Variants in ATRN observed in about 807,000 individuals in gnomAD.
The protein encoded by ATRN is attractin, also known as attractin-2.
In ATRN, 54 loss-of-function variants were observed where a neutral mutation model predicts 178.7. The observed-to-expected ratio is 0.30, with a 90% CI of 0.24 to 0.38. The LOEUF is 0.38. Among genes scored for constraint, ATRN ranks in the 10% least tolerant of loss-of-function variants. The pLI is 1.00. For synonymous variants in ATRN, 636 were observed against 663.0 expected (o/e 0.96, Z 0.63); for missense variants, 1,443 against 1,815.1 (o/e 0.79, Z 3.73).
intron 27 of ATRN, among the ~76,000 whole-genome samples, chr20:3,639,395 G>T (rs79204951): frequency 1.3e-5 from 2 of 152,022 alleles, no homozygotes; most frequent in Non-Finnish European, 2.9e-5. Context: ...TGGGATTACC[G>T]ATGTGCGCAA....
chr20:3,503,295 T>C (rs999974156), intron 1 of ATRN, among the ~76,000 whole-genome samples: 75 of 152,208 alleles, frequency 4.9e-4, no homozygotes, highest in African/African-American at 1.7e-3. Context: ...TCTAACATAA[T>C]AGACAAAATG....
chr20:3,573,278 G>T (rs2086154250), intron 12 of ATRN, among the ~76,000 whole-genome samples: 1 of 152,164 alleles, frequency 6.6e-6, no homozygotes, highest in South Asian at 2.1e-4. Flanking sequence ...TTTGATGATG[G>T]AAATGTTGTG....
chr20:3,641,201 A>G (rs887787448), intron 27 of ATRN, among the ~76,000 whole-genome samples: 1 of 152,216 alleles, frequency 6.6e-6, no homozygotes, highest in African/African-American at 2.4e-5. Context: ...TGATGGTTGC[A>G]CAACAATGTG....
At position 3,471,428 on chromosome 20, in the gene ATRN, C is replaced by T. The variant is rs1444548094; in HGVS notation, c.321C>T (p.Asn107=). ...AGGAATGTGACCGGCCCTGTGTCAACGGCGGTCGCTGCAACCCTGGCACCG... is the reference window on the plus strand; with the variant it reads ...AGGAATGTGACCGGCCCTGTGTCAATGGCGGTCGCTGCAACCCTGGCACCG... The part of the protein sequence containing the change: ...EAKECDRPCV[N]GGRCNPGTGQ... The change falls in exon 1 of 29, where the codon AAC becomes AAT. Residue 107 remains asparagine, a synonymous_variant. Coordinates refer to ENST00000262919, the MANE Select transcript of ATRN (RefSeq NM_139321.3). 11 of 1,470,146 alleles carry T rather than the reference C, an allele frequency of 7.5e-6. No individual in the cohort carries two copies. The highest frequency in any genetic ancestry group is 1.3e-5 in the South Asian group (1 of 75,188). The allele number at this position is 1,470,146 out of a possible 1,614,324, so 91.1% of individuals were successfully genotyped here.
chr20:3,565,812 AAAAAAAAAG>A (rs1213454602), intron 11 of ATRN, among the ~76,000 whole-genome samples: 6 of 152,034 alleles, frequency 3.9e-5, no homozygotes, highest in African/African-American at 7.2e-5. Flanking sequence ...AAAAAAAAAA[AAAAAAAAAG>A]AGAAAAGTAA....
At chr20:3,490,725 T>C (rs767572557) in intron 1 of ATRN, 3 of 795,420 alleles carry the variant, frequency 3.8e-6, no homozygotes, top group African/African-American at 3.4e-5. Context: ...CTCATTTGGG[T>C]GCTTCTGGTG....
At chr20:3,599,493 A>G (rs1407730936) in intron 22 of ATRN, among the ~76,000 whole-genome samples, 1 of 152,218 alleles carries the variant, frequency 6.6e-6, no homozygotes, top group Non-Finnish European at 1.5e-5. Context: ...ATAAAACCAC[A>G]AGCATTTTAA....
intron 25 of ATRN, among the ~76,000 whole-genome samples, chr20:3,625,201 G>C (rs1025495087): frequency 2.0e-5 from 3 of 152,136 alleles, no homozygotes; most frequent in African/African-American, 7.2e-5. Context: ...GTTTACACTT[G>C]GTTTTTCAGT....
In ATRN at chr20:3,638,747, G is replaced by A; in HGVS notation, c.3943-81G>A. The A allele has an allele frequency of 8.7e-7, 1 of 1,150,554 alleles. No individual in the cohort carries two copies. The highest frequency in any genetic ancestry group is 1.3e-6 in the Non-Finnish European group (1 of 785,464). The allele number at this position is 1,150,554 out of a possible 1,614,324, so 71.3% of individuals were successfully genotyped here. A position where few individuals can be genotyped will look rare whatever the true frequency, so the allele number is the denominator to read the frequency against. Reference sequence around the variant, plus strand: ...GATTTGTTTGAATCAGGGAGGATGAGGTGTTTTTAACATGTAGCATTAACT... The same window carrying A: ...GATTTGTTTGAATCAGGGAGGATGAAGTGTTTTTAACATGTAGCATTAACT... On this transcript the variant is annotated intron_variant, in intron 26 of 28. Coordinates refer to ENST00000262919, the MANE Select transcript of ATRN (RefSeq NM_139321.3). This position sits in a 1 kb window ranked among gnomAD's most constrained non-coding sequence, Gnocchi z 4.5.
intron 1 of ATRN, among the ~76,000 whole-genome samples, chr20:3,493,148 GTA>G (rs961002417): frequency 3.4e-5 from 4 of 116,708 alleles, no homozygotes; most frequent in Non-Finnish European, 7.3e-5. Context: ...GTGTGTGTGT[GTA>G]TAATTAAAAA....
At chr20:3,560,945 G>C (rs573014272) in intron 8 of ATRN, 40 bp downstream of exon 8, 2 of 1,601,608 alleles carry the variant, frequency 1.2e-6, no homozygotes, top group East Asian at 2.2e-5. Context: ...TTGAACATCA[G>C]ATTTAAAACC....
intron 21 of ATRN, among the ~76,000 whole-genome samples, chr20:3,597,045 T>C (rs1216483898): frequency 3.4e-5 from 5 of 148,492 alleles, no homozygotes; most frequent in Admixed American, 1.4e-4. Context: ...ACTTGGAACC[T>C]GTGAATATGA....
At chr20:3,502,825 A>G (rs559534859) in intron 1 of ATRN, among the ~76,000 whole-genome samples, 1 of 152,300 alleles carries the variant, frequency 6.6e-6, no homozygotes, top group Non-Finnish European at 1.5e-5. Context: ...CAAAAAGGAC[A>G]TAGCCACAGC....
rs532852583 is a variant in ATRN, at chr20:3,644,067, G to A, written c.4051-87G>A. 59 of 1,003,768 alleles carry A rather than the reference G, an allele frequency of 5.9e-5. 1 individual carries two copies. Among genetic ancestry groups the A allele is most frequent in the Admixed American group, 4.5e-4 (23 of 50,728 alleles). 62.2% of individuals were successfully genotyped at this position (1,003,768 alleles called of 1,614,324 possible). On this transcript the variant is annotated intron_variant, in intron 27 of 28. Transcript: ENST00000262919. ...CTTTTTTATATACCTGAAATTGATG[G>A]TTCTTATAAGCACAAATGACCGTTA...
At chr20:3,490,975 A>T (rs1241833251) in intron 1 of ATRN, 2 of 1,538,200 alleles carry the variant, frequency 1.3e-6, no homozygotes, top group African/African-American at 1.4e-5. Flanking sequence ...TCCTCATGAT[A>T]GCGCCGCTGC....
At position 3,549,266 on chromosome 20, in the gene ATRN, T is replaced by C. The variant is rs1370205265; in HGVS notation, c.1040T>C (p.Val347Ala). Residue 347 changes from valine (V) to alanine (A), a missense_variant, in exon 6 of 29, where the codon GTG becomes GCG. Physicochemically the swap from Val to Ala is moderately conservative, Grantham distance 64. This residue lies in a region of ATRN where 862 missense variants were observed against 972.1 expected (regional missense o/e 0.89). Coordinates refer to ENST00000262919, the MANE Select transcript of ATRN (RefSeq NM_139321.3). ...CTCCCCAGAGCATCTCATAAAGCTG[T>C]GGTCAATGGAAACATTATGTGGGTT... is the stretch of plus-strand genomic sequence containing the variant. The part of the protein sequence containing the change: ...LKLPRASHKA[V>A]VNGNIMWVVG... 1.2e-6 allele frequency: 2 copies of C among 1,610,394 alleles called. No individual in the cohort carries two copies. Among genetic ancestry groups the C allele is most frequent in the African/African-American group, 2.7e-5 (2 of 74,810 alleles).
chr20:3,598,140 A>G (rs148062282), intron 22 of ATRN, 140 bp downstream of exon 22: 334 of 582,638 alleles, frequency 5.7e-4, no homozygotes, highest in African/African-American at 5.6e-3. Context: ...TAGGAAAGAA[A>G]TGTTAGACTC....
intron 6 of ATRN, among the ~76,000 whole-genome samples, chr20:3,554,990 CTTTTTTTTT>C (rs536209701): frequency 1.0e-4 from 7 of 67,456 alleles, no homozygotes; most frequent in African/African-American, 3.5e-4. Context: ...GACCTGACCT[CTTTTTTTTT>C]TTTTTTTTTT....
chr20:3,516,919 C>A (rs1437880284), intron 1 of ATRN, among the ~76,000 whole-genome samples: 1 of 151,948 alleles, frequency 6.6e-6, no homozygotes, highest in Non-Finnish European at 1.5e-5. Context: ...CAAGTCTTTG[C>A]TATTGTGAAC....
Sources: gnomAD v4.1 joint callset for allele counts (sites outside exome capture counted in the v4.1 genomes callset) on GRCh38, gnomAD v4.1.1 for gene constraint, gnomAD v4.1.1 regional missense constraint, Gnocchi (gnomAD v3.1) non-coding constraint, MANE v1.5 for transcripts, NCBI Gene and HGNC (gene_info 2026-07-23, HGNC 2026-07-21) for gene names.